The following UNC5D variants were observed in gnomAD, a reference collection of about 807,000 sequenced individuals.
UNC5D encodes the protein unc-5 netrin receptor D.
A neutral mutation model predicts 105.4 loss-of-function variants in UNC5D; 39 were observed. The observed-to-expected ratio is 0.37, with a 90% CI of 0.29 to 0.48. The LOEUF is 0.48. Ranked by LOEUF, UNC5D falls within the 20% of genes least tolerant of loss-of-function variation. The pLI is 0.98. For synonymous variants in UNC5D, 452 were observed against 450.4 expected (o/e 1.00, Z -0.04); for missense variants, 991 against 1,202.4 (o/e 0.82, Z 2.60).
intron 1 of UNC5D, among the ~76,000 whole-genome samples, chr8:35,492,710 A>C (rs150962116): frequency 2.0e-5 from 3 of 152,226 alleles, no homozygotes; most frequent in Admixed American, 6.5e-5. Context: ...GAAATGAAGA[A>C]TGTAAGCAAT....
chr8:35,737,001 A>C (rs1397468963), intron 11 of UNC5D, among the ~76,000 whole-genome samples: 2 of 152,142 alleles, frequency 1.3e-5, no homozygotes, highest in East Asian at 3.8e-4. Context: ...CCCAAGTTCA[A>C]ATCTTCACTA....
intron 1 of UNC5D, among the ~76,000 whole-genome samples, chr8:35,338,095 G>A (rs1811187724): frequency 1.3e-5 from 2 of 152,080 alleles, no homozygotes; most frequent in Admixed American, 6.6e-5. Context: ...TGTCTATAAC[G>A]TCTGTGGTTT....
intron 3 of UNC5D, among the ~76,000 whole-genome samples, chr8:35,579,708 C>G (rs954987229): frequency 6.6e-6 from 1 of 152,140 alleles, no homozygotes; most frequent in African/African-American, 2.4e-5. Context: ...ATGGTGCTAC[C>G]AAAGAGAAGT....
At chr8:35,752,915 G>A (rs1031237318) in intron 13 of UNC5D, among the ~76,000 whole-genome samples, 3 of 152,142 alleles carry the variant, frequency 2.0e-5, no homozygotes, top group Non-Finnish European at 4.4e-5. Flanking sequence ...TACTGTGACT[G>A]TGTGGAGCTG....
chr8:35,237,147 T>A (rs1022461682), intron 1 of UNC5D, among the ~76,000 whole-genome samples: 1 of 151,774 alleles, frequency 6.6e-6, no homozygotes, highest in Non-Finnish European at 1.5e-5. Context: ...ATGATCCTAT[T>A]CTTTGCCCAT....
rs373855491 is a variant in UNC5D at position 35,687,477 on chromosome 8, G to A, written c.1084+768G>A. Among the ~76,000 whole-genome samples the A allele has an allele frequency of 3.3e-4, 50 of 151,826 alleles. No individual in the cohort carries two copies. The East Asian group carries it at 6.8e-3, about 21-fold the overall frequency. On this transcript the variant is annotated intron_variant, in intron 7 of 16. Coordinates refer to ENST00000404895, the MANE Select transcript of UNC5D (RefSeq NM_080872.4). The stretch of plus-strand genomic sequence containing the variant: ...AAAAAAAAAAAAGTTATGGGGAAAG[G>A]AGAGTGATACCTGAGGAAGTGGGTG...
chr8:35,436,895 A>G (rs542640416), intron 1 of UNC5D, among the ~76,000 whole-genome samples: 1 of 152,214 alleles, frequency 6.6e-6, no homozygotes, highest in South Asian at 2.1e-4. Context: ...ATATGATTCT[A>G]TATTTGGTGG....
rs549216044 is a variant in UNC5D, at chr8:35,351,139, G to A, written c.103+115252G>A. Among the ~76,000 whole-genome samples, 20 of 152,006 alleles carry A rather than the reference G, an allele frequency of 1.3e-4. 1 individual carries two copies. The South Asian group carries it at 3.9e-3, about 30-fold the overall frequency. ...TAGCATAAATATACTTAAGCCTGAGGCAGTTGAAAAGTAGCTGCAGGAATC... is the reference window on the plus strand; with the variant it reads ...TAGCATAAATATACTTAAGCCTGAGACAGTTGAAAAGTAGCTGCAGGAATC... On this transcript the variant is annotated intron_variant, in intron 1 of 16. Transcript: ENST00000404895.
chr8:35,541,617 T>C (rs372611103), intron 1 of UNC5D, among the ~76,000 whole-genome samples: 2 of 152,294 alleles, frequency 1.3e-5, no homozygotes, highest in South Asian at 2.1e-4. Context: ...GGGGTAATCT[T>C]CCCTGTGATG....
intron 3 of UNC5D, among the ~76,000 whole-genome samples, chr8:35,580,969 G>T (rs1242134426): frequency 1.3e-5 from 2 of 152,164 alleles, no homozygotes; most frequent in Non-Finnish European, 2.9e-5. Flanking sequence ...GAAGAGCTGG[G>T]TTCAAGTTCT....
At chr8:35,763,209 G>A (rs575757627) in intron 14 of UNC5D, among the ~76,000 whole-genome samples, 1 of 152,202 alleles carries the variant, frequency 6.6e-6, no homozygotes, top group African/African-American at 2.4e-5. Flanking sequence ...CCTTGATACT[G>A]TCTTAAAATC....
intron 16 of UNC5D, among the ~76,000 whole-genome samples, chr8:35,786,101 C>A (rs1235016238): frequency 1.3e-5 from 2 of 152,160 alleles, no homozygotes; most frequent in African/African-American, 2.4e-5. Flanking sequence ...GTAGTACTTA[C>A]ATTTATAATG....
At chr8:35,361,635 C>G (rs1025167285) in intron 1 of UNC5D, among the ~76,000 whole-genome samples, 5 of 152,100 alleles carry the variant, frequency 3.3e-5, no homozygotes, top group African/African-American at 1.2e-4. Context: ...AGGTGATTAG[C>G]TTGCAGCCAA....
chr8:35,243,188 T>G (rs187551382), intron 1 of UNC5D, among the ~76,000 whole-genome samples: 11 of 152,254 alleles, frequency 7.2e-5, no homozygotes, highest in Non-Finnish European at 1.5e-4. Flanking sequence ...TTCAATATTG[T>G]TTTTTCTTTT....
intron 1 of UNC5D, among the ~76,000 whole-genome samples, chr8:35,360,936 TA>T (rs1801820413): frequency 6.6e-6 from 1 of 152,162 alleles, no homozygotes. Flanking sequence ...ACTCTTGCTT[TA>T]GATAGCTTTA....
At chr8:35,249,083 T>C (rs1048684698) in intron 1 of UNC5D, among the ~76,000 whole-genome samples, 13 of 120,624 alleles carry the variant, frequency 1.1e-4, no homozygotes, top group Admixed American at 3.2e-4. Context: ...TATATAAAAG[T>C]TATATATAAT....
At chr8:35,381,333 T>A (rs1803031307) in intron 1 of UNC5D, among the ~76,000 whole-genome samples, 1 of 152,160 alleles carries the variant, frequency 6.6e-6, no homozygotes, top group Non-Finnish European at 1.5e-5. Flanking sequence ...TACCTCTAAC[T>A]CTTCCAGGGC....
chr8:35,680,500 G>C (rs1280281964), intron 4 of UNC5D, among the ~76,000 whole-genome samples: 1 of 152,040 alleles, frequency 6.6e-6, no homozygotes, highest in Non-Finnish European at 1.5e-5. Context: ...TTAAATGAAA[G>C]TTTGAGCGTT....
intron 1 of UNC5D, among the ~76,000 whole-genome samples, chr8:35,364,470 G>A (rs1802010839): frequency 6.6e-6 from 1 of 151,972 alleles, no homozygotes; most frequent in South Asian, 2.1e-4. Flanking sequence ...GGCTCATCTT[G>A]TGCTTTGCTT....
Sources: allele counts gnomAD v4.1 joint callset (sites outside exome capture counted in the v4.1 genomes callset), GRCh38; gene constraint gnomAD v4.1.1; transcripts MANE v1.5; gene names NCBI Gene and HGNC (gene_info 2026-07-23, HGNC 2026-07-21).